The following ZMAT4 variants were observed in gnomAD, a reference collection of about 807,000 sequenced individuals.
ZMAT4 encodes the protein zinc finger matrin-type 4, also known as zinc finger matrin-type protein 4.
In ZMAT4, 17 loss-of-function variants were observed where a neutral mutation model predicts 28.7. The observed-to-expected ratio is 0.59, with a 90% CI of 0.41 to 0.89. The LOEUF (loss-of-function observed/expected upper bound fraction) is 0.89. ZMAT4 is among the 40% of genes least tolerant of loss of function. ZMAT4 has a pLI of 0.00. For missense variants in ZMAT4, 240 were observed against 283.8 expected (o/e 0.85, Z 1.11); for synonymous variants, 117 against 109.2 (o/e 1.07, Z -0.44).
chr8:40,737,630 C>T (rs148322886), intron 3 of ZMAT4, among the ~76,000 whole-genome samples: 2,332 of 152,194 alleles, frequency 0.015, 211 homozygotes, highest in Admixed American at 0.14. Context: ...CAGAGGTGCC[C>T]GTAGCCATGT....
At chr8:40,884,907 T>C (rs1415590521) in intron 1 of ZMAT4, 1 of 152,260 alleles carries the variant, frequency 6.6e-6, no homozygotes, top group Non-Finnish European at 1.5e-5. Context: ...GTAGCTGCAG[T>C]AAACACTGTG....
chr8:40,752,967 G>C (rs1386868806), intron 3 of ZMAT4, among the ~76,000 whole-genome samples: 5 of 152,058 alleles, frequency 3.3e-5, no homozygotes, highest in Admixed American at 3.3e-4. Flanking sequence ...ATAGTGGTTT[G>C]CTGCACCTAT....
At chr8:40,806,417 A>C (rs925629904) in intron 2 of ZMAT4, among the ~76,000 whole-genome samples, 3 of 152,218 alleles carry the variant, frequency 2.0e-5, no homozygotes, top group African/African-American at 7.2e-5. Flanking sequence ...AAAATGTCCA[A>C]ATACAGAAAA....
intron 3 of ZMAT4, among the ~76,000 whole-genome samples, chr8:40,732,688 T>C (rs754246332): frequency 5.3e-5 from 8 of 152,134 alleles, no homozygotes; most frequent in Non-Finnish European, 1.2e-4. Flanking sequence ...GATACTGGTG[T>C]CCAACGTTAT....
At chr8:40,673,247 G>A (rs575880964) in intron 5 of ZMAT4, among the ~76,000 whole-genome samples, 1 of 152,180 alleles carries the variant, frequency 6.6e-6, no homozygotes, top group East Asian at 1.9e-4. Context: ...ATATTCCCTT[G>A]GTGAGATCTT....
intron 2 of ZMAT4, among the ~76,000 whole-genome samples, chr8:40,773,158 G>T (rs1390901505): frequency 2.0e-5 from 3 of 152,192 alleles, no homozygotes; most frequent in African/African-American, 2.4e-5. Flanking sequence ...TCTCTTATTT[G>T]TCAGGGGAAG....
intron 3 of ZMAT4, among the ~76,000 whole-genome samples, chr8:40,734,101 T>A (rs1388406848): frequency 6.6e-6 from 1 of 152,154 alleles, no homozygotes; most frequent in Non-Finnish European, 1.5e-5. Context: ...AGATGAACAA[T>A]GCTTAACAGA....
chr8:40,678,925 T>A (rs1468716676), intron 4 of ZMAT4, among the ~76,000 whole-genome samples: 1 of 152,212 alleles, frequency 6.6e-6, no homozygotes, highest in Non-Finnish European at 1.5e-5. Context: ...TGCTGTCCTA[T>A]CTCCATATAA....
chr8:40,736,410 A>G (rs60545202), intron 3 of ZMAT4, among the ~76,000 whole-genome samples: 17,961 of 152,220 alleles, frequency 0.12, 1,532 homozygotes, highest in East Asian at 0.39. Context: ...CTATTTTTAC[A>G]TCTTTCAGCA....
At chr8:40,532,852 T>C (rs1802734871) in intron 6 of ZMAT4, among the ~76,000 whole-genome samples, 1 of 151,872 alleles carries the variant, frequency 6.6e-6, no homozygotes, top group South Asian at 2.1e-4. Context: ...AAAAATTAGC[T>C]GGGCATGGTA....
chr8:40,881,592 AAGAAAGAAAAG>A (rs1563264143), intron 1 of ZMAT4, among the ~76,000 whole-genome samples: 1 of 99,162 alleles, frequency 1.0e-5, no homozygotes, highest in Non-Finnish European at 2.2e-5. Flanking sequence ...GAAAGAAAGA[AAGAAAGAAAAG>A]AAAAGAAAAG....
rs79207209 is a variant in ZMAT4, at chr8:40,748,436, C to T, written c.192+19205G>A. On this transcript the variant is annotated intron_variant, in intron 3 of 6. Coordinates refer to ENST00000297737, the MANE Select transcript of ZMAT4 (RefSeq NM_024645.3). ...CTGTGCCATGACTGAATAACACCAC[C>T]CATAAGCAGAAAGGAGGGGAATACA... Among the ~76,000 whole-genome samples the T allele has an allele frequency of 6.1e-3, 923 of 152,270 alleles. 6 individuals are homozygous for T. The highest frequency in any genetic ancestry group is 0.011 in the Admixed American group (169 of 15,288).
rs1802705214 is a variant in ZMAT4, at chr8:40,531,938, T to A, written c.*285A>T. 1 of 307,198 alleles carries A rather than the reference T, an allele frequency of 3.3e-6. No individual in the cohort carries two copies. Among genetic ancestry groups the A allele is most frequent in the Admixed American group, 5.0e-5 (1 of 20,086 alleles). The allele number at this position is 307,198 out of a possible 1,614,324, so 19.0% of individuals were successfully genotyped here. On this transcript the variant is annotated 3_prime_UTR_variant, in exon 7 of 7. Transcript: ENST00000297737. ...CTTTCAGTTTGAATAATGCTCCAAC[T>A]GTTTGCTATAGGATTATAATTTAGA...
chr8:40,643,375 T>C (rs1249324532), intron 5 of ZMAT4, among the ~76,000 whole-genome samples: 1 of 152,136 alleles, frequency 6.6e-6, no homozygotes, highest in African/African-American at 2.4e-5. Flanking sequence ...AAATACATAT[T>C]TGACACTTGG....
intron 2 of ZMAT4, among the ~76,000 whole-genome samples, chr8:40,813,615 CATAAGGTTAT>C: frequency 6.6e-6 from 1 of 152,228 alleles, no homozygotes; most frequent in Non-Finnish European, 1.5e-5. Flanking sequence ...AAGGGCTCGC[CATAAGGTTAT>C]ACACGGGAGC....
At chr8:40,756,897 T>C (rs1290428374) in intron 3 of ZMAT4, among the ~76,000 whole-genome samples, 1 of 152,146 alleles carries the variant, frequency 6.6e-6, no homozygotes, top group African/African-American at 2.4e-5. Context: ...ACGGCCAGCA[T>C]TAGCCGTGAA....
chr8:40,797,012 C>A (rs1814627850), intron 2 of ZMAT4, among the ~76,000 whole-genome samples: 1 of 152,202 alleles, frequency 6.6e-6, no homozygotes, highest in African/African-American at 2.4e-5. Flanking sequence ...CCCTGGTTAG[C>A]TTTCCAGACT....
At chr8:40,755,620 T>G (rs1291845595) in intron 3 of ZMAT4, among the ~76,000 whole-genome samples, 1 of 152,004 alleles carries the variant, frequency 6.6e-6, no homozygotes, top group Admixed American at 6.5e-5. Flanking sequence ...GCCCGGCTAA[T>G]TTTTGTATTT....
intron 1 of ZMAT4, among the ~76,000 whole-genome samples, chr8:40,864,890 G>A (rs1350164601): frequency 1.3e-5 from 2 of 152,168 alleles, no homozygotes; most frequent in African/African-American, 2.4e-5. Flanking sequence ...CAATATTTAT[G>A]AGGTACGAAG....
Sources: gnomAD v4.1 joint callset for allele counts (sites outside exome capture counted in the v4.1 genomes callset) on GRCh38, gnomAD v4.1.1 for gene constraint, MANE v1.5 for transcripts, NCBI Gene and HGNC (gene_info 2026-07-23, HGNC 2026-07-21) for gene names.